Variants in NKAIN2 observed in about 807,000 individuals in gnomAD.
NKAIN2 encodes sodium/potassium-transporting ATPase subunit beta-1-interacting protein 2.
NKAIN2 carries 14 observed loss-of-function variants against 32.6 expected under a neutral mutation model. The observed-to-expected ratio is 0.43, with a 90% CI of 0.28 to 0.67. The LOEUF (loss-of-function observed/expected upper bound fraction) is 0.67, where lower values mean the gene tolerates loss of function less well. NKAIN2 is among the 30% of genes least tolerant of loss of function. The pLI is 0.17. For synonymous variants in NKAIN2, 80 were observed against 87.2 expected, an observed-to-expected ratio of 0.92 and a Z score of 0.46; for missense variants, 198 against 258.3, an observed-to-expected ratio of 0.77 and a Z score of 1.60.
At chr6:124,248,498 T>A (rs1385361569) in intron 1 of NKAIN2, among the ~76,000 whole-genome samples, 3 of 152,116 alleles carry the variant, frequency 2.0e-5, no homozygotes, top group African/African-American at 7.2e-5. Flanking sequence ...AACTAATTAC[T>A]TATTAATTCC....
intron 3 of NKAIN2, among the ~76,000 whole-genome samples, chr6:124,531,811 C>T (rs2114822584): frequency 6.6e-6 from 1 of 152,298 alleles, no homozygotes; most frequent in South Asian, 2.1e-4. Flanking sequence ...GCTGGGACTA[C>T]AGGCATGCGC....
At chr6:124,770,612 C>G (rs773780648) in intron 4 of NKAIN2, among the ~76,000 whole-genome samples, 22 of 152,066 alleles carry the variant, frequency 1.4e-4, no homozygotes, top group Non-Finnish European at 2.6e-4. Context: ...TTTTAATTTA[C>G]TCTATTCTCT....
At chr6:124,677,118 G>A (rs1002451128) in intron 4 of NKAIN2, among the ~76,000 whole-genome samples, 7 of 152,032 alleles carry the variant, frequency 4.6e-5, no homozygotes, top group Admixed American at 2.0e-4. Context: ...GCAGGTCCAC[G>A]CCACCACACC....
chr6:124,706,097 G>A (rs1032282032), intron 4 of NKAIN2, among the ~76,000 whole-genome samples: 13 of 152,076 alleles, frequency 8.5e-5, no homozygotes, highest in African/African-American at 3.1e-4. Context: ...CCGAAAACAA[G>A]AACCACATTT....
At chr6:124,231,330 G>A (rs1486239321) in intron 1 of NKAIN2, among the ~76,000 whole-genome samples, 1 of 152,152 alleles carries the variant, frequency 6.6e-6, no homozygotes, top group Non-Finnish European at 1.5e-5. Context: ...GACTTTCCTT[G>A]TCTCAGATAA....
intron 4 of NKAIN2, among the ~76,000 whole-genome samples, chr6:124,741,860 T>C (rs1777226866): frequency 6.6e-6 from 1 of 151,906 alleles, no homozygotes; most frequent in South Asian, 2.1e-4. Flanking sequence ...ATATAAATGC[T>C]TTATAATAAG....
chr6:124,713,075 A>G (rs1387404044), intron 4 of NKAIN2, among the ~76,000 whole-genome samples: 1 of 152,154 alleles, frequency 6.6e-6, no homozygotes, highest in Non-Finnish European at 1.5e-5. Flanking sequence ...TAAAATAATA[A>G]TAATAATATC....
At chr6:124,666,427 A>G (rs1334343043) in intron 4 of NKAIN2, among the ~76,000 whole-genome samples, 2 of 152,134 alleles carry the variant, frequency 1.3e-5, no homozygotes, top group Non-Finnish European at 2.9e-5. Flanking sequence ...TCCATCCCTG[A>G]ATAGTAAAAA....
In NKAIN2 at chr6:124,454,840, T is replaced by C. The variant is rs185542158; in HGVS notation, c.273+99493T>C. ...TCAGGACTACTTAACAGGACTGATA[T>C]CCCTTAGCATTGAAAACAAATGGTG... On this transcript the variant is annotated intron_variant, in intron 3 of 6. Transcript: ENST00000368417. 1.5e-3 allele frequency among the ~76,000 whole-genome samples: 227 copies of C among 152,172 alleles called. 2 individuals carry two copies. The highest frequency in any genetic ancestry group is 5.2e-3 in the African/African-American group (217 of 41,562).
chr6:123,898,552 T>G (rs984629789), intron 1 of NKAIN2, among the ~76,000 whole-genome samples: 84 of 80,904 alleles, frequency 1.0e-3, no homozygotes, highest in African/African-American at 7.4e-3. Flanking sequence ...TCCAGGGGTG[T>G]TTTTTTTTTT....
rs982894729 is a variant in NKAIN2 at position 123,974,561 on chromosome 6, A to C, written c.54+170307A>C. ...TGTGAATAACAAGAGACAAAAACCC[A>C]ATGTCAAAATGTGAGCCTGCTGTAT... On this transcript the variant is annotated intron_variant, in intron 1 of 6. Coordinates refer to ENST00000368417, the MANE Select transcript of NKAIN2 (RefSeq NM_001040214.3). Among the ~76,000 whole-genome samples, 4 of 152,166 alleles carry C rather than the reference A, an allele frequency of 2.6e-5. No homozygotes were observed. The East Asian group carries it at 5.8e-4, about 22-fold the overall frequency.
intron 1 of NKAIN2, among the ~76,000 whole-genome samples, chr6:123,991,955 G>A (rs550122655): frequency 6.6e-6 from 1 of 151,980 alleles, no homozygotes; most frequent in East Asian, 1.9e-4. Flanking sequence ...TCTTCTATAG[G>A]TTGGCTAGGT....
intron 3 of NKAIN2, among the ~76,000 whole-genome samples, chr6:124,618,520 T>C (rs1583529653): frequency 1.3e-5 from 2 of 152,292 alleles, no homozygotes; most frequent in African/African-American, 4.8e-5. Flanking sequence ...GTTTTGCATT[T>C]TTCTACAAAT....
chr6:124,069,408 G>A (rs1396961953), intron 1 of NKAIN2, among the ~76,000 whole-genome samples: 1 of 152,066 alleles, frequency 6.6e-6, no homozygotes, highest in East Asian at 1.9e-4. Flanking sequence ...ATCCACTTGG[G>A]GCAGCCGGCC....
chr6:123,986,874 G>C (rs1040630593), intron 1 of NKAIN2, among the ~76,000 whole-genome samples: 1 of 152,170 alleles, frequency 6.6e-6, no homozygotes, highest in African/African-American at 2.4e-5. Context: ...TTCATGGACT[G>C]GTTTGGTGTT....
At chr6:124,426,900 T>C (rs1775005640) in intron 3 of NKAIN2, among the ~76,000 whole-genome samples, 1 of 152,166 alleles carries the variant, frequency 6.6e-6, no homozygotes, top group South Asian at 2.1e-4. Flanking sequence ...TCTGCTGCCA[T>C]GTGAGATGTA....
intron 1 of NKAIN2, among the ~76,000 whole-genome samples, chr6:124,040,059 GGTTT>G (rs1327210264): frequency 9.9e-5 from 15 of 151,914 alleles, no homozygotes; most frequent in Middle Eastern, 6.8e-3. Context: ...TATTACAAGT[GGTTT>G]GTTTCTTTTT....
intron 1 of NKAIN2, among the ~76,000 whole-genome samples, chr6:124,265,695 C>G (rs11967056): frequency 6.6e-6 from 1 of 152,314 alleles, no homozygotes; most frequent in Non-Finnish European, 1.5e-5. Flanking sequence ...ACTCCATTCT[C>G]TACGCATTTA....
intron 1 of NKAIN2, among the ~76,000 whole-genome samples, chr6:124,049,103 A>AT (rs1371325580): frequency 6.6e-6 from 1 of 151,970 alleles, no homozygotes; most frequent in Non-Finnish European, 1.5e-5. Flanking sequence ...ATCCTTGGCA[A>AT]TTTTTGCATC....
Sources: allele counts gnomAD v4.1 joint callset (sites outside exome capture counted in the v4.1 genomes callset), GRCh38; gene constraint gnomAD v4.1.1; transcripts MANE v1.5; gene names NCBI Gene and HGNC (gene_info 2026-07-23, HGNC 2026-07-21).